The following SPOCK1 variants were observed in gnomAD, a reference collection of about 807,000 sequenced individuals.
SPOCK1 encodes SPARC (osteonectin), cwcv and kazal like domains proteoglycan 1.
A neutral mutation model predicts 55.3 loss-of-function variants in SPOCK1; 23 were observed. That is an observed-to-expected ratio of 0.42 (90% CI 0.30 to 0.59). SPOCK1 has a LOEUF of 0.59. Ranked by LOEUF, SPOCK1 falls within the 20% of genes least tolerant of loss-of-function variation. SPOCK1 has a pLI of 0.22. For missense variants in SPOCK1, 499 were observed against 552.5 expected (o/e 0.90, Z 0.97); for synonymous variants, 226 against 221.0 (o/e 1.02, Z -0.20).
chr5:137,042,171 TGA>T (rs1359940835), intron 6 of SPOCK1, among the ~76,000 whole-genome samples: 1 of 152,126 alleles, frequency 6.6e-6, no homozygotes, highest in Non-Finnish European at 1.5e-5. Flanking sequence ...GAATCTTAAA[TGA>T]ATATTGTCAA....
chr5:137,288,819 G>C (rs996468344), intron 2 of SPOCK1, among the ~76,000 whole-genome samples: 1 of 152,200 alleles, frequency 6.6e-6, no homozygotes, highest in African/African-American at 2.4e-5. Flanking sequence ...AACTTTAAAA[G>C]CCACTAAGGT....
chr5:137,137,720 C>T (rs1256543132), intron 4 of SPOCK1, among the ~76,000 whole-genome samples: 1 of 152,224 alleles, frequency 6.6e-6, no homozygotes, highest in Admixed American at 6.5e-5. Context: ...CACGCTAAAC[C>T]TCAAAGGCTT....
intron 6 of SPOCK1, among the ~76,000 whole-genome samples, chr5:137,058,313 T>A (rs1357701518): frequency 3.9e-5 from 6 of 152,240 alleles, no homozygotes; most frequent in Non-Finnish European, 7.3e-5. Context: ...GGCAAGGTAC[T>A]GAACAGATCC....
At chr5:137,197,386 G>C (rs889422433) in intron 3 of SPOCK1, among the ~76,000 whole-genome samples, 1 of 152,172 alleles carries the variant, frequency 6.6e-6, no homozygotes, top group African/African-American at 2.4e-5. Flanking sequence ...ATGAATTCCA[G>C]CTCTGCAGTG....
intron 2 of SPOCK1, among the ~76,000 whole-genome samples, chr5:137,362,297 A>G (rs2127166659): frequency 6.6e-6 from 1 of 151,278 alleles, no homozygotes; most frequent in South Asian, 2.1e-4. Context: ...GCAGTTTACC[A>G]TTTATTAAGG....
In SPOCK1 at chr5:137,004,624, C is replaced by A. The variant is rs148578686; in HGVS notation, c.590-12024G>T. Among the ~76,000 whole-genome samples the A allele has an allele frequency of 3.9e-3, 589 of 152,152 alleles. 4 individuals are homozygous for A. Among genetic ancestry groups the A allele is most frequent in the South Asian group, 0.011 (54 of 4,816 alleles). ...TCCTATTTAGAGATCCAGTATCTAA[C>A]AACACAGCATGACATAGCTAGTAAT... On this transcript the variant is annotated intron_variant, in intron 6 of 10. Coordinates refer to ENST00000394945, the MANE Select transcript of SPOCK1 (RefSeq NM_004598.4).
intron 2 of SPOCK1, among the ~76,000 whole-genome samples, chr5:137,317,953 T>C (rs1757911767): frequency 6.6e-6 from 1 of 152,200 alleles, no homozygotes; most frequent in African/African-American, 2.4e-5. Context: ...TTTGTTTTGA[T>C]AGCTCACCAG....
At chr5:137,305,853 C>G (rs746003965) in intron 2 of SPOCK1, among the ~76,000 whole-genome samples, 1 of 152,230 alleles carries the variant, frequency 6.6e-6, no homozygotes, top group Non-Finnish European at 1.5e-5. Flanking sequence ...GATCTCGGAG[C>G]AGGCCCTAGC....
chr5:137,305,432 G>A (rs576691300), intron 2 of SPOCK1, among the ~76,000 whole-genome samples: 6 of 152,202 alleles, frequency 3.9e-5, no homozygotes, highest in Admixed American at 3.9e-4. Context: ...TTCCAAAGGT[G>A]GTCACATTCA....
At chr5:136,979,716 T>G (rs940134060) in intron 9 of SPOCK1, among the ~76,000 whole-genome samples, 1 of 152,182 alleles carries the variant, frequency 6.6e-6, no homozygotes, top group Non-Finnish European at 1.5e-5. Flanking sequence ...TATTGAATAC[T>G]TCTATTCTGG....
At chr5:137,415,742 A>G (rs1037272842) in intron 2 of SPOCK1, among the ~76,000 whole-genome samples, 1 of 152,210 alleles carries the variant, frequency 6.6e-6, no homozygotes, top group African/African-American at 2.4e-5. Context: ...AGCTCACTTA[A>G]GGTTTCTGGG....
intron 2 of SPOCK1, among the ~76,000 whole-genome samples, chr5:137,434,460 C>T (rs1479574866): frequency 2.8e-5 from 4 of 144,620 alleles, no homozygotes; most frequent in African/African-American, 1.0e-4. Context: ...AAAGATTTCC[C>T]TTCTCCATTT....
At chr5:137,343,658 C>T (rs1750489050) in intron 2 of SPOCK1, among the ~76,000 whole-genome samples, 1 of 152,232 alleles carries the variant, frequency 6.6e-6, no homozygotes, top group South Asian at 2.1e-4. Flanking sequence ...CACAGTTCCT[C>T]CTTAGGGTCA....
intron 2 of SPOCK1, among the ~76,000 whole-genome samples, chr5:137,356,838 TAG>T (rs1177060339): frequency 3.9e-3 from 21 of 5,452 alleles, no homozygotes; most frequent in East Asian, 0.012. Context: ...TATATATATA[TAG>T]AGAGAGAGAG....
intron 2 of SPOCK1, among the ~76,000 whole-genome samples, chr5:137,389,016 C>T (rs1240566980): frequency 1.3e-5 from 2 of 152,202 alleles, no homozygotes; most frequent in South Asian, 4.2e-4. Flanking sequence ...ACCTAAGGCT[C>T]ATTCCAAAGA....
At chr5:137,197,807 T>C (rs1298353263) in intron 3 of SPOCK1, among the ~76,000 whole-genome samples, 2 of 152,218 alleles carry the variant, frequency 1.3e-5, no homozygotes, top group African/African-American at 4.8e-5. Context: ...ATTTACTAAA[T>C]GGCTATGATA....
chr5:137,152,949 G>T (rs547390083), intron 3 of SPOCK1, among the ~76,000 whole-genome samples: 1 of 152,312 alleles, frequency 6.6e-6, no homozygotes, highest in Non-Finnish European at 1.5e-5. Context: ...AATCCAACTA[G>T]TAAGTAGCCA....
At chr5:137,081,503 C>G (rs547278866) in intron 5 of SPOCK1, among the ~76,000 whole-genome samples, 35 of 152,224 alleles carry the variant, frequency 2.3e-4, no homozygotes, top group Admixed American at 3.9e-4. Context: ...CATCACCAAC[C>G]ATTCAGCCTG....
chr5:137,411,177 G>A (rs1372370306), intron 2 of SPOCK1, among the ~76,000 whole-genome samples: 1 of 152,150 alleles, frequency 6.6e-6, no homozygotes, highest in Non-Finnish European at 1.5e-5. Flanking sequence ...AATGGAGTAG[G>A]GTGCAGTGTG....
Sources: gnomAD v4.1 joint callset for allele counts (sites outside exome capture counted in the v4.1 genomes callset) on GRCh38, gnomAD v4.1.1 for gene constraint, MANE v1.5 for transcripts, NCBI Gene and HGNC (gene_info 2026-07-23, HGNC 2026-07-21) for gene names.